Variants in SNTG2 observed in about 807,000 individuals in gnomAD.
The protein encoded by SNTG2 is gamma-2-syntrophin.
SNTG2 carries 74 observed loss-of-function variants against 70.9 expected under a neutral mutation model. The ratio of observed to expected loss-of-function variants is 1.04; its 90% CI spans 0.86 to 1.27. The LOEUF (loss-of-function observed/expected upper bound fraction) is 1.27. SNTG2 is among the 50% of genes most tolerant of loss of function. SNTG2 has a pLI of 0.00. For missense variants in SNTG2, 717 were observed against 690.7 expected (o/e 1.04, Z -0.43); for synonymous variants, 278 against 273.8 (o/e 1.02, Z -0.15).
At chr2:1,048,290 A>G (rs1294874446) in intron 1 of SNTG2, among the ~76,000 whole-genome samples, 1 of 152,006 alleles carries the variant, frequency 6.6e-6, no homozygotes, top group Non-Finnish European at 1.5e-5. Context: ...TTTCACTAAG[A>G]CCTCCTTATG....
chr2:1,072,361 T>TGTA, intron 1 of SNTG2, among the ~76,000 whole-genome samples: 1 of 148,290 alleles, frequency 6.7e-6, no homozygotes, highest in African/African-American at 2.5e-5. Context: ...TTTTTTTTTT[T>TGTA]TTTTACCATT....
intron 14 of SNTG2, among the ~76,000 whole-genome samples, chr2:1,282,927 A>G (rs1329087010): frequency 6.6e-6 from 1 of 152,240 alleles, no homozygotes; most frequent in East Asian, 1.9e-4. Context: ...GAGAACCTGC[A>G]CATCTATTTT....
At chr2:1,335,189 G>C (rs1048633576) in intron 16 of SNTG2, among the ~76,000 whole-genome samples, 1 of 152,164 alleles carries the variant, frequency 6.6e-6, no homozygotes, top group African/African-American at 2.4e-5. Context: ...GCGTTCCTCT[G>C]CATCAGCTGC....
At chr2:1,129,262 G>T (rs1309393085) in intron 4 of SNTG2, among the ~76,000 whole-genome samples, 1 of 152,184 alleles carries the variant, frequency 6.6e-6, no homozygotes, top group South Asian at 2.1e-4. Flanking sequence ...CTTCTTTGAC[G>T]CTGTTTTAGA....
At position 1,259,358 on chromosome 2, in the gene SNTG2, T is replaced by A; in HGVS notation, c.1006-12T>A. 1 of 1,613,584 alleles carries A rather than the reference T, an allele frequency of 6.2e-7. No individual in the cohort carries two copies. The highest frequency in any genetic ancestry group is 8.5e-7 in the Non-Finnish European group (1 of 1,179,662). On this transcript the variant is annotated splice_polypyrimidine_tract_variant and intron_variant, in intron 12 of 16. Coordinates refer to ENST00000308624, the MANE Select transcript of SNTG2 (RefSeq NM_018968.4). ...ATGCTGCTTTTCATGGAACGTTCTCTGTTTCTTGCAGGTGAGCACATTCGA... is the reference window on the plus strand; with the variant it reads ...ATGCTGCTTTTCATGGAACGTTCTCAGTTTCTTGCAGGTGAGCACATTCGA...
chr2:1,293,129 G>C (rs1680054967), intron 14 of SNTG2, among the ~76,000 whole-genome samples: 1 of 145,964 alleles, frequency 6.9e-6, no homozygotes, highest in South Asian at 2.2e-4. Flanking sequence ...CAATTTGTTA[G>C]TGTAAAATTG....
At chr2:1,331,226 C>T (rs1659513743) in intron 16 of SNTG2, among the ~76,000 whole-genome samples, 1 of 152,244 alleles carries the variant, frequency 6.6e-6, no homozygotes, top group Non-Finnish European at 1.5e-5. Context: ...AAAGAACTCA[C>T]TGTCATTCAC....
chr2:1,010,132 A>G (rs939069550), intron 1 of SNTG2, among the ~76,000 whole-genome samples: 1 of 152,022 alleles, frequency 6.6e-6, no homozygotes, highest in African/African-American at 2.4e-5. Context: ...CACTAGATGG[A>G]GCTTATGAGA....
intron 1 of SNTG2, among the ~76,000 whole-genome samples, chr2:1,073,671 C>A (rs1052595139): frequency 1.3e-5 from 2 of 152,282 alleles, no homozygotes; most frequent in Admixed American, 1.3e-4. Flanking sequence ...GGAAAGTAGT[C>A]ATTTAAGTAG....
chr2:1,308,703 C>A, intron 15 of SNTG2, 117 bp downstream of exon 15: 2 of 809,556 alleles, frequency 2.5e-6, no homozygotes, highest in Non-Finnish European at 4.0e-6. Context: ...GATTGTGTAT[C>A]GTGCAGAGGC....
At chr2:987,219 G>T (rs1661355315) in intron 1 of SNTG2, among the ~76,000 whole-genome samples, 1 of 152,206 alleles carries the variant, frequency 6.6e-6, no homozygotes, top group Non-Finnish European at 1.5e-5. Flanking sequence ...AGCCTGGGAT[G>T]GTTGTGCCAG....
At chr2:1,168,969 C>T (rs72766766) in intron 7 of SNTG2, among the ~76,000 whole-genome samples, 8,065 of 152,112 alleles carry the variant, frequency 0.053, 323 homozygotes, top group East Asian at 0.21. Context: ...TTTTGAGAAA[C>T]GTTGCTGTGA....
intron 16 of SNTG2, among the ~76,000 whole-genome samples, chr2:1,328,559 A>G (rs572576635): frequency 6.6e-6 from 1 of 152,306 alleles, no homozygotes; most frequent in Admixed American, 6.5e-5. Context: ...TGAACGGGAC[A>G]GGAGAAAGAA....
intron 1 of SNTG2, 68 bp from the exon 2 acceptor site, chr2:1,083,450 G>T: frequency 6.3e-7 from 1 of 1,574,930 alleles, no homozygotes; most frequent in Non-Finnish European, 8.7e-7. Context: ...GGAGGCGTGC[G>T]TCACCTATCC....
chr2:1,339,078 C>T (rs569894707), intron 16 of SNTG2, among the ~76,000 whole-genome samples: 2 of 152,264 alleles, frequency 1.3e-5, no homozygotes, highest in East Asian at 3.9e-4. Context: ...AGTGGTATCT[C>T]ATTTTGAGGG....
At chr2:990,528 T>C (rs1015261065) in intron 1 of SNTG2, among the ~76,000 whole-genome samples, 16 of 152,214 alleles carry the variant, frequency 1.1e-4, no homozygotes, top group African/African-American at 3.9e-4. Flanking sequence ...ACAGATCACA[T>C]GAGGAGGCTC....
intron 4 of SNTG2, among the ~76,000 whole-genome samples, chr2:1,129,297 CTT>C (rs1340692473): frequency 1.3e-5 from 2 of 152,198 alleles, no homozygotes; most frequent in African/African-American, 4.8e-5. Context: ...TACCAGAAGT[CTT>C]TATGATAAAT....
intron 1 of SNTG2, among the ~76,000 whole-genome samples, chr2:1,028,591 C>T (rs1204419439): frequency 6.6e-6 from 1 of 152,172 alleles, no homozygotes; most frequent in Admixed American, 6.5e-5. Flanking sequence ...TTTGAAAGGT[C>T]CAGAAACCCT....
chr2:1,082,018 C>A (rs775463822), intron 1 of SNTG2, among the ~76,000 whole-genome samples: 2 of 152,156 alleles, frequency 1.3e-5, no homozygotes, highest in African/African-American at 2.4e-5. Flanking sequence ...GATTGAAAGC[C>A]AGAGGAAACC....
Sources: allele counts gnomAD v4.1 joint callset (sites outside exome capture counted in the v4.1 genomes callset), GRCh38; gene constraint gnomAD v4.1.1; transcripts MANE v1.5; gene names NCBI Gene and HGNC (gene_info 2026-07-23, HGNC 2026-07-21).